PCDHGB6: variants seen among roughly 807,000 people sequenced by gnomAD.
PCDHGB6 encodes protocadherin gamma-B6.
In PCDHGB6, 51 loss-of-function variants were observed where a neutral mutation model predicts 59.1. The observed-to-expected ratio is 0.86, with a 90% CI of 0.69 to 1.09. The LOEUF is 1.09. Ranked by LOEUF, PCDHGB6 falls within the 50% of genes least tolerant of loss-of-function variation. The pLI, the probability that PCDHGB6 is intolerant of heterozygous loss-of-function variation, is 0.00. For synonymous variants in PCDHGB6, 466 were observed against 495.1 expected, an observed-to-expected ratio of 0.94 and a Z score of 0.78; for missense variants, 1,148 against 1,205.1, an observed-to-expected ratio of 0.95 and a Z score of 0.70.
At chr5:141,415,123 G>T (rs1349224471) in intron 1 of PCDHGB6, 3 of 1,613,540 alleles carry the variant, frequency 1.9e-6, no homozygotes. Flanking sequence ...CGTAGTGGCC[G>T]TCCAGGACCA....
chr5:141,410,687 T>A, intron 1 of PCDHGB6, 67 bp downstream of exon 1: 1 of 1,518,632 alleles, frequency 6.6e-7, no homozygotes, highest in Non-Finnish European at 8.8e-7. Context: ...TTAGGCATAC[T>A]ACTTTATTTT....
chr5:141,489,837 G>A lies in PCDHGB6; in HGVS notation c.2419-4970G>A. 6.2e-7 allele frequency: 1 copy of A among 1,614,204 alleles called. No individual in the cohort carries two copies. ...TCCCAGAGCTGGTGCTAGAGCAGCAGCTGGATCGTGAAGCCCAGGCAAGAC... is the reference window on the plus strand; with the variant it reads ...TCCCAGAGCTGGTGCTAGAGCAGCAACTGGATCGTGAAGCCCAGGCAAGAC... On this transcript the variant is annotated intron_variant, in intron 1 of 3. Transcript: ENST00000520790. This position sits in a 1 kb window ranked among gnomAD's most constrained non-coding sequence, Gnocchi z 4.5.
chr5:141,492,492 G>A (rs896538392), intron 1 of PCDHGB6, among the ~76,000 whole-genome samples: 2 of 152,206 alleles, frequency 1.3e-5, no homozygotes, highest in African/African-American at 2.4e-5. Context: ...AGGACCAGGC[G>A]AGGACTCCGG....
chr5:141,421,842 A>G (rs1209505923), intron 1 of PCDHGB6: 1 of 1,613,744 alleles, frequency 6.2e-7, no homozygotes, highest in Non-Finnish European at 8.5e-7. Context: ...ACCGAGAGAA[A>G]GAGGCTGCTC....
intron 1 of PCDHGB6, chr5:141,414,717 C>T: frequency 6.2e-7 from 1 of 1,614,152 alleles, no homozygotes; most frequent in Non-Finnish European, 8.5e-7. Flanking sequence ...TCAACTCAGA[C>T]ACTGGCGTCC....
chr5:141,510,839 C>T (rs186647886), intron 3 of PCDHGB6, 108 bp from the exon 4 acceptor site: 36 of 1,586,990 alleles, frequency 2.3e-5, no homozygotes, highest in Non-Finnish European at 3.1e-5. Context: ...TCAGCGTGGT[C>T]AAGGCCCAGG....
At chr5:141,433,546 T>C (rs1317735935) in intron 1 of PCDHGB6, among the ~76,000 whole-genome samples, 1 of 152,090 alleles carries the variant, frequency 6.6e-6, no homozygotes, top group Non-Finnish European at 1.5e-5. Context: ...TATCAGATAT[T>C]CTTTTCTGGC....
intron 1 of PCDHGB6, among the ~76,000 whole-genome samples, chr5:141,434,982 A>G (rs908716553): frequency 3.3e-5 from 5 of 152,084 alleles, no homozygotes; most frequent in East Asian, 1.9e-4. Flanking sequence ...TTAATACTCT[A>G]TATCATTTTC....
At chr5:141,443,662 C>A (rs1427397469) in intron 1 of PCDHGB6, among the ~76,000 whole-genome samples, 2 of 152,178 alleles carry the variant, frequency 1.3e-5, no homozygotes, top group African/African-American at 4.8e-5. Context: ...TAGCATTTTA[C>A]TGAACTAGTA....
chr5:141,413,137 T>C, intron 1 of PCDHGB6: 1 of 1,550,612 alleles, frequency 6.4e-7, no homozygotes, highest in Non-Finnish European at 8.7e-7. Flanking sequence ...ACACAACGTG[T>C]CCAGTGAGGA....
At chr5:141,481,919 A>C (rs1488201177) in intron 1 of PCDHGB6, among the ~76,000 whole-genome samples, 1 of 151,214 alleles carries the variant, frequency 6.6e-6, no homozygotes, top group Non-Finnish European at 1.5e-5. Context: ...ATCTCAAAAA[A>C]AAAAAAAAAA....
chr5:141,438,789 G>C (rs970735448), intron 1 of PCDHGB6, among the ~76,000 whole-genome samples: 23 of 149,578 alleles, frequency 1.5e-4, no homozygotes, highest in African/African-American at 5.4e-4. Flanking sequence ...AGCCTCTCCA[G>C]TAGCTGGGAT....
chr5:141,472,954 C>A (rs2099305799), intron 1 of PCDHGB6, among the ~76,000 whole-genome samples: 1 of 143,370 alleles, frequency 7.0e-6, no homozygotes, highest in Admixed American at 7.3e-5. Flanking sequence ...CCATTGCACT[C>A]CAGCCTGGGG....
At chr5:141,455,360 A>C (rs2098820130) in intron 1 of PCDHGB6, among the ~76,000 whole-genome samples, 1 of 152,112 alleles carries the variant, frequency 6.6e-6, no homozygotes, top group Non-Finnish European at 1.5e-5. Context: ...TTAATAGGCA[A>C]GAAGGAAGGG....
intron 2 of PCDHGB6, among the ~76,000 whole-genome samples, chr5:141,500,815 A>G (rs2099802742): frequency 6.6e-6 from 1 of 152,196 alleles, no homozygotes; most frequent in African/African-American, 2.4e-5. Context: ...ATGAATATAC[A>G]TATTATTTTT....
intron 1 of PCDHGB6, chr5:141,421,220 A>T (rs1178268746): frequency 6.3e-7 from 1 of 1,575,620 alleles, no homozygotes; most frequent in East Asian, 2.3e-5. Context: ...ATCGGCTTAG[A>T]GCCTGCCATG....
intron 3 of PCDHGB6, among the ~76,000 whole-genome samples, chr5:141,509,781 T>TCATC (rs1198131164): frequency 6.6e-6 from 1 of 152,116 alleles, no homozygotes; most frequent in Non-Finnish European, 1.5e-5. Flanking sequence ...GTCCCCGAGA[T>TCATC]CATCATCTCC....
chr5:141,421,787 C>T (rs753196648), intron 1 of PCDHGB6: 8 of 1,613,694 alleles, frequency 5.0e-6, no homozygotes, highest in East Asian at 2.2e-5. Context: ...CGGGGCAGAA[C>T]GGATGGGGCC....
intron 1 of PCDHGB6, among the ~76,000 whole-genome samples, chr5:141,434,860 A>G (rs2097723622): frequency 6.6e-6 from 1 of 151,982 alleles, no homozygotes; most frequent in African/African-American, 2.4e-5. Flanking sequence ...ATAAATTTAT[A>G]TATATGTGAC....
Sources: allele counts gnomAD v4.1 joint callset (sites outside exome capture counted in the v4.1 genomes callset), GRCh38; gene constraint gnomAD v4.1.1; non-coding constraint Gnocchi (gnomAD v3.1); transcripts MANE v1.5; gene names NCBI Gene and HGNC (gene_info 2026-07-23, HGNC 2026-07-21).